Variants in DMD observed in about 807,000 individuals in gnomAD.
DMD encodes mutant dystrophin.
A neutral mutation model predicts 330.1 loss-of-function variants in DMD; 63 were observed. That is an observed-to-expected ratio of 0.19 (90% confidence interval 0.16 to 0.24). The LOEUF (loss-of-function observed/expected upper bound fraction) is 0.24. Among genes scored for constraint, DMD ranks in the 10% least tolerant of loss-of-function variants. The pLI, the probability that DMD is intolerant of heterozygous loss-of-function variation, is 1.00. For synonymous variants in DMD, 1,223 were observed against 959.8 expected (o/e 1.27, Z -5.07); for missense variants, 3,344 against 2,684.1 (o/e 1.25, Z -5.43).
At chrX:31,152,789 C>T (rs1429592507) in intron 74 of DMD, among the ~76,000 whole-genome samples, 2 of 112,596 alleles carry the variant, frequency 1.8e-5, no homozygotes, top group Non-Finnish European at 3.8e-5. Context: ...GTCCTCCCAC[C>T]TTGGCCTCCC....
intron 61 of DMD, among the ~76,000 whole-genome samples, chrX:31,341,883 G>A (rs758523382): frequency 3.1e-3 from 165 of 53,400 alleles, no homozygotes; most frequent in African/African-American, 0.017. Flanking sequence ...GCGCGTGCGT[G>A]CGCGCGCGCA....
At chrX:33,305,447 T>G (rs2053745051) in intron 1 of DMD, among the ~76,000 whole-genome samples, 1 of 96,014 alleles carries the variant, frequency 1.0e-5, no homozygotes, top group Non-Finnish European at 2.1e-5. Flanking sequence ...GGGATAGCAT[T>G]AGGAGATATA....
At chrX:32,653,535 G>C (rs1238616535) in intron 9 of DMD, among the ~76,000 whole-genome samples, 1 of 111,857 alleles carries the variant, frequency 8.9e-6, no homozygotes, top group African/African-American at 3.3e-5. Context: ...TCTGATACCA[G>C]TACCATGCTG....
intron 1 of DMD, among the ~76,000 whole-genome samples, chrX:33,088,959 G>A (rs1171397553): frequency 9.0e-6 from 1 of 110,776 alleles, no homozygotes; most frequent in Non-Finnish European, 1.9e-5. Context: ...CAAATAGCCT[G>A]GCCCATCCAG....
chrX:31,498,527 G>T (rs2070096500), intron 56 of DMD, among the ~76,000 whole-genome samples: 1 of 111,981 alleles, frequency 8.9e-6, no homozygotes, highest in Non-Finnish European at 1.9e-5. Context: ...TACTAAATGA[G>T]AAAACAGGTT....
At chrX:31,515,399 C>A (rs1255906292) in intron 55 of DMD, among the ~76,000 whole-genome samples, 4 of 111,526 alleles carry the variant, frequency 3.6e-5, no homozygotes, top group Admixed American at 9.6e-5. Context: ...GAAAGAATAA[C>A]AATAAGTGAC....
At chrX:33,112,387 T>A (rs963565034) in intron 1 of DMD, among the ~76,000 whole-genome samples, 1 of 111,863 alleles carries the variant, frequency 8.9e-6, no homozygotes, top group Admixed American at 9.6e-5. Flanking sequence ...TAATTATTTC[T>A]ACCATTACAG....
At chrX:32,477,857 G>A (rs1030503413) in intron 21 of DMD, among the ~76,000 whole-genome samples, 8 of 111,299 alleles carry the variant, frequency 7.2e-5, no homozygotes, top group Admixed American at 5.8e-4. Flanking sequence ...CTGGCTACCC[G>A]TCCGTTAAGC....
At chrX:31,524,754 C>T (rs896635699) in intron 55 of DMD, among the ~76,000 whole-genome samples, 5 of 111,925 alleles carry the variant, frequency 4.5e-5, no homozygotes, top group Non-Finnish European at 9.4e-5. Context: ...CACTAACAAA[C>T]GGACAGGTGA....
intron 44 of DMD, among the ~76,000 whole-genome samples, chrX:31,978,962 G>T (rs56826361): frequency 0.11 from 12,191 of 111,379 alleles, 900 homozygotes; most frequent in African/African-American, 0.26. Flanking sequence ...CTATAAATTG[G>T]GAATACATTT....
chrX:33,141,169 G>A (rs183195976), intron 1 of DMD, among the ~76,000 whole-genome samples: 8 of 111,314 alleles, frequency 7.2e-5, no homozygotes, highest in East Asian at 5.7e-4. Context: ...ACTGAGATTC[G>A]AACTCAGCAA....
intron 60 of DMD, among the ~76,000 whole-genome samples, chrX:31,422,751 C>A (rs2063510793): frequency 9.0e-6 from 1 of 111,607 alleles, no homozygotes; most frequent in African/African-American, 3.3e-5. Flanking sequence ...TGGAAAGTAT[C>A]CTATGGAGTT....
intron 55 of DMD, among the ~76,000 whole-genome samples, chrX:31,597,802 A>G (rs1259516981): frequency 8.9e-6 from 1 of 111,948 alleles, no homozygotes; most frequent in Non-Finnish European, 1.9e-5. Context: ...TTTATTTCTA[A>G]TAACTGGTAC....
At chrX:32,559,413 T>C (rs1180197290) in intron 16 of DMD, among the ~76,000 whole-genome samples, 2 of 112,030 alleles carry the variant, frequency 1.8e-5, no homozygotes, top group African/African-American at 6.5e-5. Context: ...TTTTCTTTTT[T>C]AATTGGCATC....
intron 60 of DMD, among the ~76,000 whole-genome samples, chrX:31,416,534 A>G (rs1178226367): frequency 8.9e-6 from 1 of 112,162 alleles, no homozygotes; most frequent in Non-Finnish European, 1.9e-5. Context: ...GCCAAATCTA[A>G]AGGTAAGAGA....
At chrX:32,399,228 G>C (rs2098068338) in intron 30 of DMD, among the ~76,000 whole-genome samples, 1 of 111,396 alleles carries the variant, frequency 9.0e-6, no homozygotes, top group Non-Finnish European at 1.9e-5. Context: ...AGCAAAAATG[G>C]ACAAATGGTA....
chrX:31,229,258 A>G (rs2046973529), intron 63 of DMD, among the ~76,000 whole-genome samples: 1 of 112,156 alleles, frequency 8.9e-6, no homozygotes, highest in Non-Finnish European at 1.9e-5. Flanking sequence ...CAAAGATATT[A>G]CAGAAAAAAA....
chrX:32,381,022 C>T (rs16998281), intron 33 of DMD, among the ~76,000 whole-genome samples: 17,183 of 110,513 alleles, frequency 0.16, 1,208 homozygotes, highest in African/African-American at 0.28. Context: ...TCACTGAAAA[C>T]TTACTGTCAT....
At chrX:32,307,368 T>C (rs1395551308) in intron 42 of DMD, among the ~76,000 whole-genome samples, 1 of 111,476 alleles carries the variant, frequency 9.0e-6, no homozygotes, top group Non-Finnish European at 1.9e-5. Context: ...CAAAAGTTAT[T>C]TGTTATTGGT....
Sources: gnomAD v4.1 joint callset for allele counts (sites outside exome capture counted in the v4.1 genomes callset) on GRCh38, gnomAD v4.1.1 for gene constraint, MANE v1.5 for transcripts, NCBI Gene and HGNC (gene_info 2026-07-23, HGNC 2026-07-21) for gene names.